The following DYNC1I1 variants were observed in gnomAD, a reference collection of about 807,000 sequenced individuals.
DYNC1I1 encodes dynein cytoplasmic 1 intermediate chain 1, also known as cytoplasmic dynein 1 intermediate chain 1.
A neutral mutation model predicts 86.6 loss-of-function variants in DYNC1I1; 43 were observed. The observed-to-expected ratio is 0.50, with a 90% CI of 0.39 to 0.64. The LOEUF is 0.64. Ranked by LOEUF, DYNC1I1 falls within the 30% of genes least tolerant of loss-of-function variation. The pLI, the probability that DYNC1I1 is intolerant of heterozygous loss-of-function variation, is 0.00. For missense variants in DYNC1I1, 604 were observed against 788.8 expected (o/e 0.77, Z 2.81); for synonymous variants, 262 against 283.7 (o/e 0.92, Z 0.77).
intron 5 of DYNC1I1, among the ~76,000 whole-genome samples, chr7:95,835,796 C>A (rs1184637003): frequency 2.0e-5 from 3 of 151,618 alleles, no homozygotes; most frequent in African/African-American, 7.3e-5. Flanking sequence ...GATTGCAACC[C>A]CTGCCTTTTT....
At chr7:95,997,197 C>T (rs1441531654) in intron 10 of DYNC1I1, among the ~76,000 whole-genome samples, 6 of 151,972 alleles carry the variant, frequency 3.9e-5, no homozygotes, top group South Asian at 4.2e-4. Context: ...GAAATAAGAA[C>T]GGTTCTTTCT....
At chr7:95,840,730 A>G (rs1458834424) in intron 5 of DYNC1I1, among the ~76,000 whole-genome samples, 1 of 152,166 alleles carries the variant, frequency 6.6e-6, no homozygotes, top group Admixed American at 6.5e-5. Context: ...GAGATTCTGG[A>G]TGCTACCTAT....
chr7:95,878,019 G>A (rs1163002382), intron 6 of DYNC1I1, among the ~76,000 whole-genome samples: 1 of 152,168 alleles, frequency 6.6e-6, no homozygotes, highest in Non-Finnish European at 1.5e-5. Flanking sequence ...GGACAGGGGA[G>A]AACAGATTTC....
chr7:96,030,302 G>A (rs995781808), intron 11 of DYNC1I1, among the ~76,000 whole-genome samples: 2 of 150,764 alleles, frequency 1.3e-5, no homozygotes, highest in African/African-American at 4.9e-5. Context: ...TGGGTATACT[G>A]TAGCTTTCTT....
At chr7:96,077,318 T>G (rs1002880249) in intron 15 of DYNC1I1, among the ~76,000 whole-genome samples, 2 of 151,946 alleles carry the variant, frequency 1.3e-5, no homozygotes, top group Non-Finnish European at 2.9e-5. Flanking sequence ...TATTATTAAG[T>G]CTTTGTATCT....
At chr7:95,851,446 T>C (rs147772451) in intron 5 of DYNC1I1, among the ~76,000 whole-genome samples, 1 of 152,326 alleles carries the variant, frequency 6.6e-6, no homozygotes, top group East Asian at 1.9e-4. Context: ...TTTAATATTT[T>C]TAGATCACAG....
rs149953092 is a variant in DYNC1I1 at position 95,908,160 on chromosome 7, A to G, written c.490+38162A>G. On this transcript the variant is annotated intron_variant, in intron 6 of 16. Transcript: ENST00000447467. ...GTTAAACAACCACGGGAGGAGATGG[A>G]GACTACCCGTGCAAGGAGACTGCAC... 4.3e-3 allele frequency among the ~76,000 whole-genome samples: 657 copies of G among 152,318 alleles called. 7 individuals are homozygous for G. Among genetic ancestry groups the G allele is most frequent in the African/African-American group, 0.015 (612 of 41,584 alleles).
At chr7:95,924,776 G>A (rs1331297077) in intron 6 of DYNC1I1, among the ~76,000 whole-genome samples, 1 of 152,148 alleles carries the variant, frequency 6.6e-6, no homozygotes, top group African/African-American at 2.4e-5. Context: ...TGCTGAAGGG[G>A]GAGTATCTGT....
rs1584320409 is a variant in DYNC1I1 at position 96,097,930 on chromosome 7, A to T, written c.*337A>T. 1 of 1,037,500 alleles carries T rather than the reference A, an allele frequency of 9.6e-7. No homozygotes were observed. Among genetic ancestry groups the T allele is most frequent in the Non-Finnish European group, 1.2e-6 (1 of 860,692 alleles). The allele number at this position is 1,037,500 out of a possible 1,614,324, so 64.3% of individuals were successfully genotyped here. A position where few individuals can be genotyped will look rare whatever the true frequency, so the allele number is the denominator to read the frequency against. Reference sequence around the variant, plus strand: ...TTGTGCTTACATGCACTCCTGGCATAGTCCTATTAAATCCATATGAAGCCA... The same window carrying T: ...TTGTGCTTACATGCACTCCTGGCATTGTCCTATTAAATCCATATGAAGCCA... On this transcript the variant is annotated 3_prime_UTR_variant, in exon 17 of 17. Transcript: ENST00000447467.
chr7:96,061,673 C>T (rs904901798), intron 14 of DYNC1I1, among the ~76,000 whole-genome samples: 1 of 149,648 alleles, frequency 6.7e-6, no homozygotes, highest in Non-Finnish European at 1.5e-5. Flanking sequence ...CTCTTCCTCT[C>T]TCTCTCTCCC....
At chr7:96,062,532 T>C (rs1253518297) in intron 14 of DYNC1I1, among the ~76,000 whole-genome samples, 4 of 152,142 alleles carry the variant, frequency 2.6e-5, no homozygotes, top group Admixed American at 6.5e-5. Flanking sequence ...TGTGTAAATA[T>C]AAGTTAGTCG....
rs73708470 is a variant in DYNC1I1 at position 96,093,525 on chromosome 7, T to C, written c.1777-3958T>C. Among the ~76,000 whole-genome samples, 167 of 152,320 alleles carry C rather than the reference T, an allele frequency of 1.1e-3. 1 individual carries two copies. The highest frequency in any genetic ancestry group is 3.8e-3 in the African/African-American group (160 of 41,570). ...CTTTTAGAGTTAAGATTTTATTATC[T>C]CAGGAATCTGAGCCTCAAGTACTTT... On this transcript the variant is annotated intron_variant, in intron 16 of 16. Coordinates refer to ENST00000447467, the MANE Select transcript of DYNC1I1 (RefSeq NM_001135556.2).
At chr7:95,834,451 G>A (rs199669798) in intron 5 of DYNC1I1, among the ~76,000 whole-genome samples, 5 of 107,542 alleles carry the variant, frequency 4.6e-5, no homozygotes, top group African/African-American at 8.3e-5. Context: ...TTGTGTCTCT[G>A]CCCGGCTTTG....
At position 96,032,610 on chromosome 7, in the gene DYNC1I1, A is replaced by C. The variant is rs777593885; in HGVS notation, c.1117-57A>C. On this transcript the variant is annotated intron_variant, in intron 11 of 16. Transcript: ENST00000447467. ...TTTAGAGTAATGTGTTTGACACTCA[A>C]ATGTAAGCATTTCCTCTTGGATCTG... 2.2e-6 allele frequency: 3 copies of C among 1,337,722 alleles called. No homozygotes were observed. In the East Asian group the frequency reaches 7.0e-5, roughly 31 times the overall value. The allele number at this position is 1,337,722 out of a possible 1,614,324, so 82.9% of individuals were successfully genotyped here.
At chr7:95,931,839 T>A in intron 6 of DYNC1I1, among the ~76,000 whole-genome samples, 1 of 152,246 alleles carries the variant, frequency 6.6e-6, no homozygotes, top group East Asian at 1.9e-4. Flanking sequence ...TTTTTATATT[T>A]AAATTAATAT....
In DYNC1I1 at chr7:96,076,016, C is replaced by CA. The variant is rs753892589; in HGVS notation, c.1510-40dup. The CA allele has an allele frequency of 1.4e-5, 22 of 1,598,432 alleles. No individual in the cohort carries two copies. The South Asian group carries it at 2.3e-4, about 17-fold the overall frequency. The stretch of plus-strand genomic sequence containing the variant: ...AGGCTCTCTAGACAGCCCGAGGCAG[C>CA]AGCAGCGCCACAAAGTCTTCACGGT... On this transcript the variant is annotated intron_variant, in intron 14 of 16. Coordinates refer to ENST00000447467, the MANE Select transcript of DYNC1I1 (RefSeq NM_001135556.2).
intron 14 of DYNC1I1, among the ~76,000 whole-genome samples, chr7:96,044,734 A>G (rs1265158644): frequency 1.3e-5 from 2 of 152,096 alleles, no homozygotes; most frequent in Non-Finnish European, 2.9e-5. Flanking sequence ...TGTGATGGCT[A>G]TTTTCTTAAT....
chr7:96,030,484 G>T (rs1794784268), intron 11 of DYNC1I1, among the ~76,000 whole-genome samples: 1 of 151,906 alleles, frequency 6.6e-6, no homozygotes, highest in Non-Finnish European at 1.5e-5. Flanking sequence ...GCTGATTAAA[G>T]CCTGGGAGGG....
Position 95,965,823 on chromosome 7 carries a change from C to G in DYNC1I1, c.491-11689C>G, listed in dbSNP as rs566683012. On this transcript the variant is annotated intron_variant, in intron 6 of 16. Transcript: ENST00000447467. ...AGGAATCAACCCAAAATTACTTATG[C>G]CAAAAGAAAGTTTGTTGGCTTTTAT... 1.4e-3 allele frequency among the ~76,000 whole-genome samples: 216 copies of G among 152,242 alleles called. 2 individuals carry two copies. Among genetic ancestry groups the G allele is most frequent in the African/African-American group, 5.0e-3 (209 of 41,548 alleles).
Sources: allele counts gnomAD v4.1 joint callset (sites outside exome capture counted in the v4.1 genomes callset), GRCh38; gene constraint gnomAD v4.1.1; transcripts MANE v1.5; gene names NCBI Gene and HGNC (gene_info 2026-07-23, HGNC 2026-07-21).